The following MDGA2 variants were observed in gnomAD, a reference collection of about 807,000 sequenced individuals.
MDGA2 encodes the protein MAM domain-containing glycosylphosphatidylinositol anchor protein 2.
MDGA2 carries 40 observed loss-of-function variants against 117.8 expected under a neutral mutation model. That is an observed-to-expected ratio of 0.34 (90% CI 0.26 to 0.44). The LOEUF (loss-of-function observed/expected upper bound fraction) is 0.44, where lower values mean the gene tolerates loss of function less well. MDGA2 is among the 20% of genes least tolerant of loss of function. The pLI, the probability that MDGA2 is intolerant of heterozygous loss-of-function variation, is 1.00. For synonymous variants in MDGA2, 452 were observed against 439.0 expected (o/e 1.03, Z -0.37); for missense variants, 1,123 against 1,250.6 (o/e 0.90, Z 1.54).
At chr14:47,219,873 A>G (rs1374577956) in intron 2 of MDGA2, among the ~76,000 whole-genome samples, 2 of 152,168 alleles carry the variant, frequency 1.3e-5, no homozygotes, top group African/African-American at 4.8e-5. Context: ...AAAATTACAC[A>G]AGGAAACATA....
chr14:47,615,679 C>A (rs565531037), intron 1 of MDGA2, among the ~76,000 whole-genome samples: 1 of 152,298 alleles, frequency 6.6e-6, no homozygotes, highest in East Asian at 1.9e-4. Flanking sequence ...TTCTAATAGG[C>A]AATCCTAAAG....
At chr14:47,490,104 T>G (rs1033822613) in intron 1 of MDGA2, among the ~76,000 whole-genome samples, 3 of 152,064 alleles carry the variant, frequency 2.0e-5, no homozygotes, top group African/African-American at 7.2e-5. Flanking sequence ...AGAATAAAAT[T>G]TATTCCCCAA....
chr14:47,335,637 A>G (rs1159170722), intron 1 of MDGA2, among the ~76,000 whole-genome samples: 5 of 149,992 alleles, frequency 3.3e-5, no homozygotes, highest in African/African-American at 1.2e-4. Flanking sequence ...ACAATGAAAT[A>G]ATGTAATCTT....
At chr14:46,877,751 C>G (rs1271195401) in intron 11 of MDGA2, among the ~76,000 whole-genome samples, 1 of 151,798 alleles carries the variant, frequency 6.6e-6, no homozygotes, top group Non-Finnish European at 1.5e-5. Flanking sequence ...TGCTAAATAG[C>G]ACAGGAAATG....
intron 7 of MDGA2, among the ~76,000 whole-genome samples, chr14:47,039,954 T>C (rs981585911): frequency 1.3e-5 from 2 of 152,140 alleles, no homozygotes; most frequent in African/African-American, 4.8e-5. Context: ...ATAAGGAATA[T>C]GTTAACTTGC....
intron 6 of MDGA2, among the ~76,000 whole-genome samples, chr14:47,083,876 T>C (rs552144537): frequency 6.6e-6 from 1 of 152,028 alleles, no homozygotes; most frequent in African/African-American, 2.4e-5. Flanking sequence ...GTCACAGCAA[T>C]TGTAAATCTG....
intron 1 of MDGA2, among the ~76,000 whole-genome samples, chr14:47,374,207 C>T (rs1891427391): frequency 6.6e-6 from 1 of 152,012 alleles, no homozygotes; most frequent in African/African-American, 2.4e-5. Context: ...CCCAGGATTT[C>T]CCACTAATTA....
intron 2 of MDGA2, among the ~76,000 whole-genome samples, chr14:47,266,066 C>A (rs1385848704): frequency 2.0e-5 from 3 of 151,996 alleles, no homozygotes; most frequent in South Asian, 2.1e-4. Context: ...ATCCTCACAG[C>A]AAAATAGGGA....
At chr14:46,925,867 A>AAAAAGAG (rs1884313848) in intron 9 of MDGA2, among the ~76,000 whole-genome samples, 2 of 152,134 alleles carry the variant, frequency 1.3e-5, no homozygotes, top group African/African-American at 4.8e-5. Flanking sequence ...GAAGGGATAA[A>AAAAAGAG]AAAAGAGAAG....
intron 3 of MDGA2, among the ~76,000 whole-genome samples, chr14:47,176,153 A>G (rs959938999): frequency 5.9e-5 from 9 of 152,322 alleles, no homozygotes; most frequent in Non-Finnish European, 1.3e-4. Context: ...ATAAAAGAGG[A>G]TACAAACAAA....
intron 10 of MDGA2, among the ~76,000 whole-genome samples, chr14:46,904,591 A>G (rs1238631585): frequency 2.0e-5 from 3 of 152,156 alleles, no homozygotes; most frequent in Admixed American, 6.5e-5. Flanking sequence ...AGCGTTGCTT[A>G]TTACTCATGA....
At chr14:47,172,463 C>G (rs1278827179) in intron 3 of MDGA2, among the ~76,000 whole-genome samples, 1 of 151,992 alleles carries the variant, frequency 6.6e-6, no homozygotes. Context: ...TCCAGCGGAA[C>G]GATCAGAGAG....
At chr14:46,994,831 T>G (rs1240818430) in intron 8 of MDGA2, among the ~76,000 whole-genome samples, 2 of 152,142 alleles carry the variant, frequency 1.3e-5, no homozygotes, top group Non-Finnish European at 2.9e-5. Flanking sequence ...CATAGGGTAG[T>G]GGAAATGCAA....
At chr14:46,895,248 TAGTG>T (rs1239067151) in intron 10 of MDGA2, among the ~76,000 whole-genome samples, 1 of 152,156 alleles carries the variant, frequency 6.6e-6, no homozygotes, top group East Asian at 1.9e-4. Context: ...GTTCTCGTGA[TAGTG>T]AGTGAGTTCT....
chr14:47,593,808 CA>C (rs1236822848), intron 1 of MDGA2, among the ~76,000 whole-genome samples: 1 of 152,104 alleles, frequency 6.6e-6, no homozygotes, highest in African/African-American at 2.4e-5. Context: ...ATCTGTGCAG[CA>C]AACCACCATG....
chr14:47,361,154 C>G (rs547002758), intron 1 of MDGA2, among the ~76,000 whole-genome samples: 3 of 151,284 alleles, frequency 2.0e-5, no homozygotes, highest in Admixed American at 2.0e-4. Flanking sequence ...AATCATTTCA[C>G]TATGTATATG....
chr14:47,579,904 T>C (rs960257687), intron 1 of MDGA2, among the ~76,000 whole-genome samples: 2 of 152,112 alleles, frequency 1.3e-5, no homozygotes, highest in Non-Finnish European at 2.9e-5. Context: ...TGGATACCCA[T>C]TATTAGTATT....
At chr14:47,564,972 T>A (rs1163188976) in intron 1 of MDGA2, among the ~76,000 whole-genome samples, 11 of 152,092 alleles carry the variant, frequency 7.2e-5, no homozygotes, top group Non-Finnish European at 8.8e-5. Context: ...GTTTGGCTCT[T>A]TCTTAAAATG....
chr14:46,864,545 G>GGTT (rs773215923), intron 14 of MDGA2, among the ~76,000 whole-genome samples: 3 of 51,472 alleles, frequency 5.8e-5, no homozygotes, highest in Non-Finnish European at 7.9e-5. Flanking sequence ...AGATATTGCT[G>GGTT]TTTTTTTTTT....
Sources: allele counts gnomAD v4.1 joint callset (sites outside exome capture counted in the v4.1 genomes callset), GRCh38; gene constraint gnomAD v4.1.1; transcripts MANE v1.5; gene names NCBI Gene and HGNC (gene_info 2026-07-23, HGNC 2026-07-21).